The following SNX29 variants were observed in gnomAD, a reference collection of about 807,000 sequenced individuals.
The protein encoded by SNX29 is sorting nexin-29.
Under a neutral mutation model 102.1 loss-of-function variants are expected in SNX29, and 78 were observed. The ratio of observed to expected loss-of-function variants is 0.76; its 90% CI spans 0.64 to 0.92. SNX29 has a LOEUF of 0.92. SNX29 is among the 40% of genes least tolerant of loss of function. SNX29 has a pLI of 0.00. For missense variants in SNX29, 1,280 were observed against 1,061.7 expected (o/e 1.21, Z -2.86); for synonymous variants, 580 against 414.5 (o/e 1.40, Z -4.85).
At chr16:12,528,802 G>A (rs1353523279) in intron 20 of SNX29, among the ~76,000 whole-genome samples, 1 of 152,250 alleles carries the variant, frequency 6.6e-6, no homozygotes. Flanking sequence ...GTGCCACTGT[G>A]TGTTCTGTGA....
intron 16 of SNX29, among the ~76,000 whole-genome samples, chr16:12,361,857 AC>A (rs761538598): frequency 1.3e-4 from 20 of 151,338 alleles, no homozygotes; most frequent in Admixed American, 2.6e-4. Flanking sequence ...CCTTTCTCTT[AC>A]CCCCTGATTT....
At chr16:12,160,134 T>TCCAC (rs2055721982) in intron 13 of SNX29, among the ~76,000 whole-genome samples, 1 of 152,170 alleles carries the variant, frequency 6.6e-6, no homozygotes, top group Non-Finnish European at 1.5e-5. Context: ...TTGCCAGGTG[T>TCCAC]GGAAATGATG....
chr16:11,999,290 A>C lies in SNX29; in HGVS notation c.8-7A>C. 1 of 1,614,032 alleles carries C rather than the reference A, an allele frequency of 6.2e-7. No homozygotes were observed. The highest frequency in any genetic ancestry group is 8.5e-7 in the Non-Finnish European group (1 of 1,179,918). ...GAGAGAACTAATTAAGCCTCATTGCATTTTAGGATCACAGAACAATGACAA... is the reference window on the plus strand; with the variant it reads ...GAGAGAACTAATTAAGCCTCATTGCCTTTTAGGATCACAGAACAATGACAA... On this transcript the variant is annotated splice_polypyrimidine_tract_variant and splice_region_variant and intron_variant, in intron 1 of 20. Coordinates refer to ENST00000566228, the MANE Select transcript of SNX29 (RefSeq NM_032167.5).
intron 18 of SNX29, among the ~76,000 whole-genome samples, chr16:12,407,616 G>T (rs902634622): frequency 1.3e-5 from 2 of 152,054 alleles, no homozygotes; most frequent in East Asian, 1.9e-4. Flanking sequence ...TCACTGGTTT[G>T]TGTGTTGTGT....
intron 18 of SNX29, among the ~76,000 whole-genome samples, chr16:12,406,389 A>G (rs184909454): frequency 6.6e-6 from 1 of 152,342 alleles, no homozygotes; most frequent in African/African-American, 2.4e-5. Flanking sequence ...ATAAAAAAGG[A>G]TAGAGTAGAC....
At chr16:12,526,286 G>A (rs761868831) in intron 20 of SNX29, among the ~76,000 whole-genome samples, 8 of 152,068 alleles carry the variant, frequency 5.3e-5, no homozygotes, top group African/African-American at 1.2e-4. Context: ...TTTGGGAGCC[G>A]GCTTCTGTGG....
intron 15 of SNX29, among the ~76,000 whole-genome samples, chr16:12,313,221 C>T (rs1348349246): frequency 6.6e-6 from 1 of 152,086 alleles, no homozygotes; most frequent in Non-Finnish European, 1.5e-5. Flanking sequence ...ACCATGTTGG[C>T]CAGGCTGGTC....
chr16:12,079,321 G>GT (rs1197357046), intron 11 of SNX29, among the ~76,000 whole-genome samples: 1 of 152,214 alleles, frequency 6.6e-6, no homozygotes, highest in Non-Finnish European at 1.5e-5. Flanking sequence ...GGCTTCAACT[G>GT]TTTCCAACTT....
At chr16:12,161,604 A>G (rs2055787479) in intron 13 of SNX29, among the ~76,000 whole-genome samples, 1 of 152,040 alleles carries the variant, frequency 6.6e-6, no homozygotes, top group Non-Finnish European at 1.5e-5. Flanking sequence ...TGTGATTCCT[A>G]ATGTCAGAGG....
rs1055037556 is a variant in SNX29 at position 11,976,829 on chromosome 16, G to A, written c.7+16G>A. ...ACCATGAGCGGTGAGTGGCGGCCCC[G>A]CCGCTGTCACCTGCCCCGGCCGCCC... On this transcript the variant is annotated intron_variant, in intron 1 of 20. Transcript: ENST00000566228. 2 of 1,372,166 alleles carry A rather than the reference G, an allele frequency of 1.5e-6. No homozygotes were observed. Among genetic ancestry groups the A allele is most frequent in the Non-Finnish European group, 1.9e-6 (2 of 1,062,162 alleles). The allele number at this position is 1,372,166 out of a possible 1,614,324, so 85.0% of individuals were successfully genotyped here.
chr16:12,025,329 C>T (rs2057159616), intron 3 of SNX29, among the ~76,000 whole-genome samples: 4 of 115,476 alleles, frequency 3.5e-5, no homozygotes, highest in Admixed American at 2.5e-4. Flanking sequence ...AAAAAAGTGC[C>T]TGTGTGTACA....
intron 19 of SNX29, among the ~76,000 whole-genome samples, chr16:12,521,624 T>C (rs2090105479): frequency 6.6e-6 from 1 of 152,230 alleles, no homozygotes; most frequent in Non-Finnish European, 1.5e-5. Context: ...CTTTCTTGTC[T>C]TCCTGTAGCA....
At chr16:12,494,259 C>T (rs1289407126) in intron 19 of SNX29, among the ~76,000 whole-genome samples, 1 of 152,170 alleles carries the variant, frequency 6.6e-6, no homozygotes, top group Non-Finnish European at 1.5e-5. Flanking sequence ...CCCACCATCT[C>T]TGCGTCCTCC....
intron 20 of SNX29, among the ~76,000 whole-genome samples, chr16:12,552,248 C>G (rs1043725225): frequency 6.8e-6 from 1 of 147,184 alleles, no homozygotes; most frequent in African/African-American, 2.4e-5. Context: ...CCAGCTTTGC[C>G]TCCTAGGGGC....
At chr16:12,559,830 G>A (rs2078614131) in intron 20 of SNX29, among the ~76,000 whole-genome samples, 1 of 151,914 alleles carries the variant, frequency 6.6e-6, no homozygotes, top group South Asian at 2.1e-4. Context: ...ATCATCTCTG[G>A]CATTCTAATG....
chr16:11,996,699 C>T (rs933864484), intron 1 of SNX29, among the ~76,000 whole-genome samples: 1 of 152,158 alleles, frequency 6.6e-6, no homozygotes, highest in Non-Finnish European at 1.5e-5. Context: ...GCAAGCCTAA[C>T]TTTTTTTCTA....
At chr16:12,508,499 A>G (rs538156581) in intron 19 of SNX29, among the ~76,000 whole-genome samples, 1 of 152,356 alleles carries the variant, frequency 6.6e-6, no homozygotes, top group African/African-American at 2.4e-5. Flanking sequence ...ATATTCAGGC[A>G]TTTGAATTAG....
At chr16:12,566,868 G>A (rs2079033026) in intron 20 of SNX29, among the ~76,000 whole-genome samples, 1 of 152,216 alleles carries the variant, frequency 6.6e-6, no homozygotes, top group African/African-American at 2.4e-5. Flanking sequence ...ATGCACAGAA[G>A]GCAAAGCAAC....
intron 18 of SNX29, among the ~76,000 whole-genome samples, chr16:12,471,315 G>T (rs2151796009): frequency 6.6e-6 from 1 of 152,304 alleles, no homozygotes; most frequent in South Asian, 2.1e-4. Flanking sequence ...TTGGTGGTTA[G>T]ATGTTTTAGT....
Sources: allele counts gnomAD v4.1 joint callset (sites outside exome capture counted in the v4.1 genomes callset), GRCh38; gene constraint gnomAD v4.1.1; transcripts MANE v1.5; gene names NCBI Gene and HGNC (gene_info 2026-07-23, HGNC 2026-07-21).